MTAP: variants seen among roughly 807,000 people sequenced by gnomAD.
MTAP encodes the protein S-methyl-5'-thioadenosine phosphorylase.
In MTAP, 33 loss-of-function variants were observed where a neutral mutation model predicts 33.6. The ratio of observed to expected loss-of-function variants is 0.98; its 90% CI spans 0.74 to 1.31. The LOEUF (loss-of-function observed/expected upper bound fraction) is 1.31, where lower values mean the gene tolerates loss of function less well. Among genes scored for constraint, MTAP ranks in the 40% most tolerant of loss-of-function variants. The pLI, the probability that MTAP is intolerant of heterozygous loss-of-function variation, is 0.00. For synonymous variants in MTAP, 148 were observed against 125.7 expected (o/e 1.18, Z -1.19); for missense variants, 367 against 360.0 (o/e 1.02, Z -0.16).
At chr9:21,892,987 AT>A (rs1285542783) in intron 1 of MTAP, 2 of 152,252 alleles carry the variant, frequency 1.3e-5, no homozygotes, top group African/African-American at 2.4e-5. Context: ...AAATTATACA[AT>A]TACATGGAAA....
chr9:21,837,005 C>T (rs147803409), intron 4 of MTAP, among the ~76,000 whole-genome samples: 1 of 152,200 alleles, frequency 6.6e-6, no homozygotes, highest in Non-Finnish European at 1.5e-5. Flanking sequence ...GCTGTCCCCT[C>T]CTCCCTGTGT....
chr9:21,918,862 A>AC (rs113645648), intron 1 of MTAP, among the ~76,000 whole-genome samples: 25,326 of 151,734 alleles, frequency 0.17, 6,183 homozygotes, highest in African/African-American at 0.54. Flanking sequence ...GAGTCAATTA[A>AC]CTCTTCCCTT....
intron 1 of MTAP, among the ~76,000 whole-genome samples, chr9:21,900,389 A>G (rs1253683266): frequency 6.6e-6 from 1 of 152,240 alleles, no homozygotes; most frequent in Non-Finnish European, 1.5e-5. Context: ...GAAGATGTAC[A>G]TGCAGCCAAC....
intron 3 of MTAP, 137 bp from the exon 4 acceptor site, chr9:21,817,898 T>C: frequency 1.3e-6 from 1 of 768,352 alleles, no homozygotes; most frequent in African/African-American, 1.8e-5. Flanking sequence ...AGTTGCTCAC[T>C]GGACTGGGTT....
At chr9:21,854,457 G>A (rs1021262592) in intron 5 of MTAP, among the ~76,000 whole-genome samples, 174 bp from the exon 6 acceptor site, 3 of 152,176 alleles carry the variant, frequency 2.0e-5, no homozygotes, top group African/African-American at 7.2e-5. Context: ...AAGGGTCCAG[G>A]AAACACCCTT....
chr9:21,905,514 G>A (rs796488313), intron 1 of MTAP, among the ~76,000 whole-genome samples: 2 of 152,206 alleles, frequency 1.3e-5, no homozygotes, highest in East Asian at 1.9e-4. Flanking sequence ...TAAAATCACT[G>A]TCTTTTCCAG....
intron 1 of MTAP, chr9:21,813,919 C>T (rs1213433701): frequency 6.6e-6 from 1 of 152,082 alleles, no homozygotes; most frequent in African/African-American, 2.4e-5. Context: ...ATTGAAGTGC[C>T]GTAATTTAAA....
At chr9:21,851,761 T>C (rs371408262) in intron 5 of MTAP, among the ~76,000 whole-genome samples, 1 of 152,244 alleles carries the variant, frequency 6.6e-6, no homozygotes, top group Non-Finnish European at 1.5e-5. Context: ...TTAATCTGGG[T>C]GGGTACAATC....
chr9:21,920,278 A>C (rs1818766741), intron 1 of MTAP, among the ~76,000 whole-genome samples: 1 of 152,182 alleles, frequency 6.6e-6, no homozygotes, highest in Admixed American at 6.5e-5. Flanking sequence ...TGAGAGTATA[A>C]ATAAACAGTG....
At chr9:21,834,039 C>T (rs1825040222) in intron 4 of MTAP, among the ~76,000 whole-genome samples, 1 of 152,064 alleles carries the variant, frequency 6.6e-6, no homozygotes. Context: ...TATCACATAT[C>T]CCTGCTTGAC....
rs555677014 is a variant in MTAP, at chr9:21,922,202, G to C, written c.148-8806G>C. 6.6e-6 allele frequency among the ~76,000 whole-genome samples: 1 copy of C among 151,808 alleles called. No individual in the cohort carries two copies. Among genetic ancestry groups the C allele is most frequent in the Non-Finnish European group, 1.5e-5 (1 of 67,994 alleles). ...AACACTTGACTGGCAAGGGAAAAACGCCTCAAGTGAGCATGCACACAACTT... is the reference window on the plus strand; with the variant it reads ...AACACTTGACTGGCAAGGGAAAAACCCCTCAAGTGAGCATGCACACAACTT... On this transcript the variant is annotated intron_variant, in intron 1 of 1. Coordinates refer to the MTAP transcript ENST00000577563. This position sits in a 1 kb window ranked among gnomAD's most constrained non-coding sequence, Gnocchi z 4.8.
In MTAP at chr9:21,855,373, A is replaced by G. The variant is rs143827403; in HGVS notation, c.690+503A>G. Among the ~76,000 whole-genome samples, 4 of 152,352 alleles carry G rather than the reference A, an allele frequency of 2.6e-5. No homozygotes were observed. In the East Asian group the frequency reaches 5.8e-4, roughly 22 times the overall value. The stretch of plus-strand genomic sequence containing the variant: ...ATGGAGATAGAAGTTAAGCAAACCA[A>G]TATAAGAAAGCTAACGGTTATAAAG... On this transcript the variant is annotated intron_variant, in intron 6 of 7. Coordinates refer to ENST00000644715, the MANE Select transcript of MTAP (RefSeq NM_002451.4).
intron 5 of MTAP, among the ~76,000 whole-genome samples, chr9:21,853,866 G>T (rs1825572747): frequency 6.6e-6 from 1 of 152,096 alleles, no homozygotes; most frequent in East Asian, 1.9e-4. Context: ...CAGTTAAGTT[G>T]AAAAGACTTT....
chr9:21,828,734 T>C (rs1297996286), intron 4 of MTAP, among the ~76,000 whole-genome samples: 1 of 152,202 alleles, frequency 6.6e-6, no homozygotes, highest in Non-Finnish European at 1.5e-5. Flanking sequence ...AATTTTTACA[T>C]TGATTACTTA....
chr9:21,813,931 G>A (rs1232158814), intron 1 of MTAP: 1 of 152,210 alleles, frequency 6.6e-6, no homozygotes, highest in Admixed American at 6.5e-5. Context: ...TAATTTAAAT[G>A]TATTGACTTA....
At chr9:21,897,040 G>T (rs966278649) in intron 1 of MTAP, among the ~76,000 whole-genome samples, 1 of 152,192 alleles carries the variant, frequency 6.6e-6, no homozygotes, top group African/African-American at 2.4e-5. Flanking sequence ...CCATGATCAA[G>T]TGGGCTTCAT....
At chr9:21,826,229 T>G (rs1213153568) in intron 4 of MTAP, among the ~76,000 whole-genome samples, 2 of 151,870 alleles carry the variant, frequency 1.3e-5, no homozygotes, top group African/African-American at 4.8e-5. Context: ...TAGTATTTCC[T>G]TAGTATTAGA....
intron 1 of MTAP, among the ~76,000 whole-genome samples, chr9:21,914,952 G>A (rs1285820072): frequency 2.0e-5 from 3 of 151,094 alleles, no homozygotes; most frequent in Non-Finnish European, 4.4e-5. Flanking sequence ...CTGACATAAC[G>A]TTCTCAAGGT....
chr9:21,831,673 G>C (rs1057380231), intron 4 of MTAP, among the ~76,000 whole-genome samples: 1 of 152,118 alleles, frequency 6.6e-6, no homozygotes, highest in Non-Finnish European at 1.5e-5. Context: ...TTGCTCAACT[G>C]CTATCACTGT....
Sources: allele counts gnomAD v4.1 joint callset (sites outside exome capture counted in the v4.1 genomes callset), GRCh38; gene constraint gnomAD v4.1.1; non-coding constraint Gnocchi (gnomAD v3.1); transcripts MANE v1.5; gene names NCBI Gene and HGNC (gene_info 2026-07-23, HGNC 2026-07-21).